TDRD3: variants seen among roughly 807,000 people sequenced by gnomAD.
The protein encoded by TDRD3 is tudor domain containing 3, also known as tudor domain-containing protein 3.
A neutral mutation model predicts 86.7 loss-of-function variants in TDRD3; 45 were observed. That is an observed-to-expected ratio of 0.52 (90% CI 0.41 to 0.67). TDRD3 has a LOEUF of 0.67. TDRD3 is among the 30% of genes least tolerant of loss of function. The probability of loss-of-function intolerance (pLI) is 0.00; values close to 1 mark genes in which losing one functional copy is unlikely to be tolerated. For missense variants in TDRD3, 814 were observed against 889.0 expected, an observed-to-expected ratio of 0.92 and a Z score of 1.07; for synonymous variants, 298 against 301.7, an observed-to-expected ratio of 0.99 and a Z score of 0.13.
intron 10 of TDRD3, among the ~76,000 whole-genome samples, chr13:60,512,641 A>G (rs1957084486): frequency 6.6e-6 from 1 of 152,224 alleles, no homozygotes; most frequent in African/African-American, 2.4e-5. Flanking sequence ...AAGGGGCTAC[A>G]GGCCCCATGC....
chr13:60,566,913 C>T (rs1325939283), intron 12 of TDRD3, among the ~76,000 whole-genome samples: 6 of 152,104 alleles, frequency 3.9e-5, no homozygotes, highest in African/African-American at 1.2e-4. Flanking sequence ...GAGTCTTACT[C>T]TGGTGATCTC....
chr13:60,528,823 G>C lies in TDRD3; in HGVS notation c.1598G>C (p.Arg533Pro), dbSNP rs538283662. The part of the protein sequence containing the change: ...QGSVDYNNQK[R>P]GKRESQTSIP... ...TCTGTAGATTATAATAATCAAAAAC[G>C]TGGAAAAAGAGAAAGCCAAACATCT... Residue 533 changes from arginine (R) to proline (P), a missense_variant, in exon 11 of 14, where the codon CGT becomes CCT. Physicochemically the swap from Arg to Pro is moderately radical, Grantham distance 103. Coordinates refer to ENST00000377881, the MANE Select transcript of TDRD3 (RefSeq NM_001146070.2). The C allele has an allele frequency of 6.2e-7, 1 of 1,613,566 alleles. No homozygotes were observed. Among genetic ancestry groups the C allele is most frequent in the Admixed American group, 1.7e-5 (1 of 59,920 alleles).
chr13:60,454,517 G>C (rs1375114648), intron 3 of TDRD3, among the ~76,000 whole-genome samples: 7 of 152,034 alleles, frequency 4.6e-5, no homozygotes, highest in Admixed American at 3.3e-4. Flanking sequence ...AATCAGAAAT[G>C]CTTTTTTGTT....
chr13:60,545,171 C>T (rs1486502667), intron 12 of TDRD3, among the ~76,000 whole-genome samples: 1 of 152,088 alleles, frequency 6.6e-6, no homozygotes, highest in Non-Finnish European at 1.5e-5. Flanking sequence ...CCTTCAGAAG[C>T]CACCTAATAT....
Position 60,494,480 on chromosome 13 carries a change from A to G in TDRD3, c.763A>G (p.Asn255Asp). 6.2e-7 allele frequency: 1 copy of G among 1,613,804 alleles called. No homozygotes were observed. The highest frequency in any genetic ancestry group is 1.7e-4 in the Middle Eastern group (1 of 6,058). Residue 255 changes from asparagine (N) to aspartate (D), a missense_variant, in exon 8 of 14, where the codon AAT becomes GAT. Physicochemically the swap from Asn to Asp is conservative, Grantham distance 23. Transcript: ENST00000377881. ...TGGTGGTGGTGCTAGAAGTAATCTC[A>G]ATATGAATGCTGCTGGTAACCGAAA... is the stretch of plus-strand genomic sequence containing the variant. Reference protein sequence around the residue: ...GGGGGARSNLNMNAAGNRNRE... With the variant: ...GGGGGARSNLDMNAAGNRNRE...
chr13:60,535,107 G>A lies in TDRD3; in HGVS notation c.1993-1G>A. The A allele has an allele frequency of 6.2e-7, 1 of 1,613,480 alleles. No homozygotes were observed. The highest frequency in any genetic ancestry group is 8.5e-7 in the Non-Finnish European group (1 of 1,179,724). Reference sequence around the variant, plus strand: ...ATTTAAAACTCCTTTTGCCTCCTCAGTTTTACCGGGCAGAAGTTGAAGCCC... The same window carrying A: ...ATTTAAAACTCCTTTTGCCTCCTCAATTTTACCGGGCAGAAGTTGAAGCCC... On this transcript the variant is annotated splice_acceptor_variant, in intron 11 of 13. Transcript: ENST00000377881. LOFTEE classifies it high-confidence loss of function.
intron 10 of TDRD3, among the ~76,000 whole-genome samples, chr13:60,525,704 T>G (rs1824098042): frequency 6.6e-6 from 1 of 152,200 alleles, no homozygotes; most frequent in South Asian, 2.1e-4. Context: ...GTTTATTTGT[T>G]AAATAATAAG....
intron 6 of TDRD3, chr13:60,484,742 G>A (rs1956391654): frequency 2.2e-6 from 1 of 452,832 alleles, no homozygotes; most frequent in African/African-American, 2.0e-5. Context: ...GTCCTATGGT[G>A]TGATCCATGT....
At chr13:60,486,517 G>A (rs1451112471) in intron 7 of TDRD3, among the ~76,000 whole-genome samples, 2 of 152,050 alleles carry the variant, frequency 1.3e-5, no homozygotes, top group African/African-American at 4.8e-5. Flanking sequence ...ACATATATAT[G>A]AGGTACATGT....
chr13:60,547,204 C>T (rs1482926105), intron 12 of TDRD3: 1 of 980,332 alleles, frequency 1.0e-6, no homozygotes, highest in Admixed American at 6.2e-5. Context: ...AAAAAAATCT[C>T]ATGACATTGT....
At chr13:60,569,197 G>C (rs2138005210) in intron 13 of TDRD3, among the ~76,000 whole-genome samples, 1 of 152,222 alleles carries the variant, frequency 6.6e-6, no homozygotes, top group South Asian at 2.1e-4. Flanking sequence ...TCAAACTCCT[G>C]AGCTCAAGCA....
intron 1 of TDRD3, among the ~76,000 whole-genome samples, chr13:60,420,337 G>T (rs113284403): frequency 0.017 from 2,513 of 151,354 alleles, 24 homozygotes; most frequent in Middle Eastern, 0.048. Context: ...GATATTTTTT[G>T]ATGACTAAAT....
At chr13:60,428,633 A>G (rs1254633154) in intron 1 of TDRD3, among the ~76,000 whole-genome samples, 1 of 140,448 alleles carries the variant, frequency 7.1e-6, no homozygotes, top group Non-Finnish European at 1.6e-5. Flanking sequence ...TTTTAAGGTG[A>G]AAAGTGATTT....
intron 8 of TDRD3, among the ~76,000 whole-genome samples, chr13:60,497,908 T>C (rs929724721): frequency 4.6e-5 from 7 of 152,028 alleles, no homozygotes; most frequent in African/African-American, 9.7e-5. Context: ...GGAAGCAACA[T>C]TGAGTTGGAT....
At chr13:60,423,505 T>C (rs1157570245) in intron 1 of TDRD3, among the ~76,000 whole-genome samples, 2 of 152,214 alleles carry the variant, frequency 1.3e-5, no homozygotes, top group East Asian at 1.9e-4. Flanking sequence ...TAAGTGCCTA[T>C]GGCACATTCA....
intron 13 of TDRD3, among the ~76,000 whole-genome samples, chr13:60,571,327 G>A (rs965101341): frequency 4.6e-5 from 7 of 152,018 alleles, no homozygotes; most frequent in Admixed American, 2.0e-4. Context: ...GTTACATAAC[G>A]GAATATATTC....
At chr13:60,529,368 A>T (rs1212926979) in intron 11 of TDRD3, 151 bp downstream of exon 11, 4 of 771,224 alleles carry the variant, frequency 5.2e-6, no homozygotes, top group Non-Finnish European at 7.4e-6. Flanking sequence ...TATATAAAGG[A>T]TAAACAAAAT....
intron 11 of TDRD3, among the ~76,000 whole-genome samples, chr13:60,529,864 T>C (rs1957539921): frequency 6.6e-6 from 1 of 151,720 alleles, no homozygotes; most frequent in Non-Finnish European, 1.5e-5. Context: ...GTGCAGTGGG[T>C]CAAGTAAAAG....
At chr13:60,464,741 A>G (rs1955881019) in intron 4 of TDRD3, among the ~76,000 whole-genome samples, 1 of 152,098 alleles carries the variant, frequency 6.6e-6, no homozygotes, top group Admixed American at 6.6e-5. Context: ...TTCATGTGGG[A>G]ACTAAAAAAA....
Sources: gnomAD v4.1 joint callset for allele counts (sites outside exome capture counted in the v4.1 genomes callset) on GRCh38, gnomAD v4.1.1 for gene constraint, MANE v1.5 for transcripts, NCBI Gene and HGNC (gene_info 2026-07-23, HGNC 2026-07-21) for gene names.